Variants in PRKDC observed in about 807,000 individuals in gnomAD.
PRKDC encodes the protein DNA-dependent protein kinase catalytic subunit.
In PRKDC, 82 loss-of-function variants were observed where a neutral mutation model predicts 486.9. The ratio of observed to expected loss-of-function variants is 0.17; its 90% confidence interval spans 0.14 to 0.20. The LOEUF (loss-of-function observed/expected upper bound fraction) is 0.20. Ranked by LOEUF, PRKDC falls within the 10% of genes least tolerant of loss-of-function variation. The pLI is 1.00. For missense variants in PRKDC, 4,504 were observed against 5,038.2 expected (o/e 0.89, Z 3.21); for synonymous variants, 1,895 against 1,837.0 (o/e 1.03, Z -0.81).
intron 68 of PRKDC, among the ~76,000 whole-genome samples, chr8:47,808,123 G>A (rs927899005): frequency 6.6e-6 from 1 of 152,146 alleles, no homozygotes; most frequent in African/African-American, 2.4e-5. Flanking sequence ...ACAGTAAACA[G>A]TTTAAAATCA....
chr8:47,947,030 C>G (rs932095897), intron 7 of PRKDC, among the ~76,000 whole-genome samples: 6 of 152,204 alleles, frequency 3.9e-5, no homozygotes, highest in African/African-American at 7.2e-5. Flanking sequence ...CTGTCAAACA[C>G]CAACCCTGCG....
At chr8:47,936,773 C>A (rs951941913) in intron 11 of PRKDC, among the ~76,000 whole-genome samples, 76 of 149,872 alleles carry the variant, frequency 5.1e-4, no homozygotes, top group African/African-American at 1.8e-3. Context: ...TGTGCCACCA[C>A]GCCTGGCTAT....
At chr8:47,854,267 AAGCAGGAAGAC>A in intron 50 of PRKDC, 53 bp from the exon 51 acceptor site, 1 of 1,581,188 alleles carries the variant, frequency 6.3e-7, no homozygotes, top group Non-Finnish European at 8.7e-7. Flanking sequence ...ATCAAGTAAG[AAGCAGGAAGAC>A]AAATACAGAA....
In PRKDC at chr8:47,877,727, C is replaced by A; in HGVS notation, c.5360G>T (p.Arg1787Ile). ...ATCCCAGGCCAGAATGACTTACCTT[C>A]TGGCAATCCTCCTGAAACTGGATTG... ...LFQSSFRRIARRGSCVTQVGL... is the reference protein window; with the variant it reads ...LFQSSFRRIAIRGSCVTQVGL... Residue 1787 changes from arginine (R) to isoleucine (I), a missense_variant, in exon 40 of 86, where the codon AGA becomes ATA. Around this residue, in one of 6 missense-constraint regions of PRKDC, gnomAD observed 1,969 missense variants for 2,068.9 expected, o/e 0.95. Coordinates refer to ENST00000314191, the MANE Select transcript of PRKDC (RefSeq NM_006904.7). 6.3e-7 allele frequency: 1 copy of A among 1,584,176 alleles called. No individual in the cohort carries two copies. Among genetic ancestry groups the A allele is most frequent in the Non-Finnish European group, 8.6e-7 (1 of 1,164,486 alleles).
At chr8:47,881,087 A>AAAGCAAGC (rs1354660911) in intron 38 of PRKDC, among the ~76,000 whole-genome samples, 5 of 134,858 alleles carry the variant, frequency 3.7e-5, no homozygotes, top group Admixed American at 7.6e-5. Flanking sequence ...AGAAAGCAAG[A>AAAGCAAGC]AAGCAAGCAA....
rs2154498922 is a variant in PRKDC, at chr8:47,819,485, A to T, written c.9362T>A (p.Leu3121Ter). 6.7e-7 allele frequency: 1 copy of T among 1,501,326 alleles called. No individual in the cohort carries two copies. Among genetic ancestry groups the T allele is most frequent in the East Asian group, 2.4e-5 (1 of 41,920 alleles). 93.0% of individuals were successfully genotyped at this position (1,501,326 alleles called of 1,614,324 possible). A position where few individuals can be genotyped will look rare whatever the true frequency, so the allele number is the denominator to read the frequency against. Residue 3121 changes from leucine (L) to a stop codon, truncating the protein, a stop_gained, in exon 67 of 86, where the codon TTA (leucine) becomes TAA (stop). Coordinates refer to ENST00000314191, the MANE Select transcript of PRKDC (RefSeq NM_006904.7). LOFTEE classifies it high-confidence loss of function. ...CAATTTGGTGAGTCTACTTTGGTGTAAGAGGACATCAATACTAGAATAATT... is the reference window on the plus strand; with the variant it reads ...CAATTTGGTGAGTCTACTTTGGTGTTAGAGGACATCAATACTAGAATAATT... ...MQNYSSIDVL[L>*]HQSRLTKLQS...
rs776803808 is a variant in PRKDC, at chr8:47,914,061, G to A, written c.2621C>T (p.Thr874Met). 3.4e-6 allele frequency: 5 copies of A among 1,482,486 alleles called. No individual in the cohort carries two copies. The highest frequency in any genetic ancestry group is 3.0e-5 in the South Asian group (2 of 67,690). The allele number at this position is 1,482,486 out of a possible 1,614,324, so 91.8% of individuals were successfully genotyped here. Reference protein sequence around the residue: ...GQINKNLLTVTSSDEMMKSYV... With the variant: ...GQINKNLLTVMSSDEMMKSYV... ...GCTCTTCATCATCTCATCTGAGGAC[G>A]TGACTGTTAGAAAAGATTTAAGAAG... The change falls in exon 24 of 86, where the codon ACG (threonine) becomes ATG (methionine). Residue 874 changes from threonine (T) to methionine (M), a missense_variant. This residue lies in a region of PRKDC where 1,969 missense variants were observed against 2,068.9 expected (regional missense o/e 0.95). Transcript: ENST00000314191.
At chr8:47,781,169 C>A (rs576411011) in intron 80 of PRKDC, among the ~76,000 whole-genome samples, 2 of 152,314 alleles carry the variant, frequency 1.3e-5, no homozygotes, top group Non-Finnish European at 2.9e-5. Flanking sequence ...CTGCTTGGCA[C>A]CTGCATTGTC....
At chr8:47,855,008 T>C (rs912159763) in intron 50 of PRKDC, among the ~76,000 whole-genome samples, 5 of 152,142 alleles carry the variant, frequency 3.3e-5, no homozygotes, top group Admixed American at 6.5e-5. Flanking sequence ...CGTGGGGACA[T>C]CAGAGGCAAG....
chr8:47,898,696 T>C, intron 28 of PRKDC, 127 bp from the exon 29 acceptor site: 1 of 524,522 alleles, frequency 1.9e-6, no homozygotes, highest in Non-Finnish European at 3.1e-6. Flanking sequence ...ATTTAATATG[T>C]TTTCATCCCT....
chr8:47,859,376 G>A (rs758219021), intron 46 of PRKDC, among the ~76,000 whole-genome samples: 1 of 152,154 alleles, frequency 6.6e-6, no homozygotes, highest in Non-Finnish European at 1.5e-5. Context: ...TCAGGTCAGA[G>A]CATCTTTGCT....
Position 47,893,310 on chromosome 8 carries a change from C to A in PRKDC, c.3676G>T (p.Gly1226Trp), listed in dbSNP as rs761126676. 6.2e-7 allele frequency: 1 copy of A among 1,603,606 alleles called. No homozygotes were observed. Among genetic ancestry groups the A allele is most frequent in the Non-Finnish European group, 8.5e-7 (1 of 1,172,850 alleles). ...GVSFLINTFEGGGCGQPSGIL... is the reference protein window; with the variant it reads ...GVSFLINTFEWGGCGQPSGIL... ...CCCGAGGGCTGGCCACAGCCACCCC[C>A]CTCAAAGGTGTTGATGAGAAAAGAG... Residue 1226 changes from glycine (G) to tryptophan (W), a missense_variant, in exon 31 of 86, where the codon GGG becomes TGG. By Grantham distance (184) the Gly-to-Trp change is radical. This residue lies in a region of PRKDC where 1,969 missense variants were observed against 2,068.9 expected (regional missense o/e 0.95). Coordinates refer to ENST00000314191, the MANE Select transcript of PRKDC (RefSeq NM_006904.7).
intron 54 of PRKDC, among the ~76,000 whole-genome samples, chr8:47,844,669 T>A (rs1441523547): frequency 6.6e-6 from 1 of 151,458 alleles, no homozygotes; most frequent in African/African-American, 2.4e-5. Context: ...TAAAAAAAAA[T>A]TCAAAATCAT....
intron 7 of PRKDC, among the ~76,000 whole-genome samples, chr8:47,947,239 T>C (rs373274621): frequency 6.6e-6 from 1 of 152,200 alleles, no homozygotes; most frequent in Non-Finnish European, 1.5e-5. Context: ...CTCCTCCTTC[T>C]GATCACGACT....
chr8:47,852,654 A>G lies in PRKDC; in HGVS notation c.7005+19T>C, dbSNP rs1281811357. 2 of 1,454,010 alleles carry G rather than the reference A, an allele frequency of 1.4e-6. No individual in the cohort carries two copies. Among genetic ancestry groups the G allele is most frequent in the African/African-American group, 1.4e-5 (1 of 70,958 alleles). The allele number at this position is 1,454,010 out of a possible 1,614,324, so 90.1% of individuals were successfully genotyped here. A position where few individuals can be genotyped will look rare whatever the true frequency, so the allele number is the denominator to read the frequency against. ...AACAGAGTAAGAGGTATTTATTGAA[A>G]ATTGTGTAGCACACTCACGTTTTTT... On this transcript the variant is annotated intron_variant, in intron 52 of 85. Transcript: ENST00000314191.
At chr8:47,818,282 A>G (rs1008218430) in intron 67 of PRKDC, among the ~76,000 whole-genome samples, 7 of 152,130 alleles carry the variant, frequency 4.6e-5, no homozygotes, top group Admixed American at 1.3e-4. Context: ...AAGTTGTTAT[A>G]AAGACTAGGT....
At chr8:47,855,780 C>T (rs1427531906) in intron 49 of PRKDC, among the ~76,000 whole-genome samples, 2 of 152,334 alleles carry the variant, frequency 1.3e-5, no homozygotes, top group Middle Eastern at 3.4e-3. Context: ...TATAAAACTG[C>T]AGAGCCTCCT....
intron 63 of PRKDC, among the ~76,000 whole-genome samples, chr8:47,824,951 C>T (rs2087699471): frequency 6.6e-6 from 1 of 152,126 alleles, no homozygotes; most frequent in African/African-American, 2.4e-5. Flanking sequence ...ATCAAAAGAG[C>T]CCTACAGGTT....
At chr8:47,931,117 GAA>G (rs1266050261) in intron 16 of PRKDC, among the ~76,000 whole-genome samples, 4 of 152,156 alleles carry the variant, frequency 2.6e-5, no homozygotes, top group African/African-American at 9.7e-5. Flanking sequence ...TTCAAGTGAA[GAA>G]AAAGAGAAAT....
Sources: allele counts gnomAD v4.1 joint callset (sites outside exome capture counted in the v4.1 genomes callset), GRCh38; gene constraint gnomAD v4.1.1; regional missense constraint gnomAD v4.1.1; transcripts MANE v1.5; gene names NCBI Gene and HGNC (gene_info 2026-07-23, HGNC 2026-07-21).